The following CPED1 variants were observed in gnomAD, a reference collection of about 807,000 sequenced individuals.
The protein encoded by CPED1 is cadherin-like and PC-esterase domain-containing protein 1.
CPED1 carries 114 observed loss-of-function variants against 128.2 expected under a neutral mutation model. The ratio of observed to expected loss-of-function variants is 0.89; its 90% confidence interval spans 0.76 to 1.04. The LOEUF is 1.04. Among genes scored for constraint, CPED1 ranks in the 50% least tolerant of loss-of-function variants. CPED1 has a pLI of 0.00. For synonymous variants in CPED1, 462 were observed against 426.7 expected, an observed-to-expected ratio of 1.08 and a Z score of -1.02; for missense variants, 1,211 against 1,207.1, an observed-to-expected ratio of 1.00 and a Z score of -0.05.
At chr7:121,286,867 G>T (rs1354115577) in intron 22 of CPED1, among the ~76,000 whole-genome samples, 4 of 152,164 alleles carry the variant, frequency 2.6e-5, no homozygotes, top group African/African-American at 7.2e-5. Context: ...AAGGAAATAG[G>T]TTTAATTGAC....
At chr7:121,197,621 T>C (rs1433493701) in intron 16 of CPED1, among the ~76,000 whole-genome samples, 1 of 152,040 alleles carries the variant, frequency 6.6e-6, no homozygotes, top group African/African-American at 2.4e-5. Context: ...CGAGTGTGTG[T>C]ATATGGGTGT....
rs1336363981 is a variant in CPED1 at position 121,005,675 on chromosome 7, A to C, written c.250-9990A>C. Among the ~76,000 whole-genome samples the C allele has an allele frequency of 2.0e-5, 3 of 152,268 alleles. No individual in the cohort carries two copies. The East Asian group carries it at 5.8e-4, about 29-fold the overall frequency. On this transcript the variant is annotated intron_variant, in intron 2 of 22. Transcript: ENST00000310396. Reference sequence around the variant, plus strand: ...AAAAAATTTAGAAACGAACAAACAAAAAAAGCTGTTATTCCCCATTTAAAA... The same window carrying C: ...AAAAAATTTAGAAACGAACAAACAACAAAAGCTGTTATTCCCCATTTAAAA...
In CPED1 at chr7:121,267,317, T is replaced by C. The variant is rs1196802151; in HGVS notation, c.2721+15T>C. On this transcript the variant is annotated intron_variant, in intron 21 of 22. Transcript: ENST00000310396. ...TCTTAACACAGGTAAGCACATTTCCTCTGGGCTAGGTGAATTTCATGATTC... is the reference window on the plus strand; with the variant it reads ...TCTTAACACAGGTAAGCACATTTCCCCTGGGCTAGGTGAATTTCATGATTC... 4 of 1,477,202 alleles carry C rather than the reference T, an allele frequency of 2.7e-6. No homozygotes were observed. Among genetic ancestry groups the C allele is most frequent in the Non-Finnish European group, 3.7e-6 (4 of 1,074,020 alleles). The allele number at this position is 1,477,202 out of a possible 1,614,324, so 91.5% of individuals were successfully genotyped here.
Position 121,288,851 on chromosome 7 carries a change from C to T in CPED1, c.2869-6589C>T, listed in dbSNP as rs138243004. ...AATTAACCTTATTTTGGCTTCAGAA[C>T]ACTAGAATAATATTATTTCAAGGTC... On this transcript the variant is annotated intron_variant, in intron 22 of 22. Transcript: ENST00000310396. Among the ~76,000 whole-genome samples the T allele has an allele frequency of 3.5e-3, 533 of 152,232 alleles. 7 individuals carry two copies. The highest frequency in any genetic ancestry group is 0.027 in the Admixed American group (413 of 15,290).
At chr7:121,041,493 A>C (rs2116888655) in intron 3 of CPED1, among the ~76,000 whole-genome samples, 1 of 152,262 alleles carries the variant, frequency 6.6e-6, no homozygotes, top group Non-Finnish European at 1.5e-5. Context: ...AGAAAATTAA[A>C]GTTGTCCTTC....
intron 11 of CPED1, among the ~76,000 whole-genome samples, chr7:121,129,277 G>GTATATA: frequency 9.0e-6 from 1 of 111,344 alleles, no homozygotes; most frequent in African/African-American, 3.5e-5. Context: ...ATATGTGTGT[G>GTATATA]TGTATATATG....
At chr7:121,231,660 T>C (rs529599492) in intron 16 of CPED1, among the ~76,000 whole-genome samples, 1 of 152,134 alleles carries the variant, frequency 6.6e-6, no homozygotes, top group African/African-American at 2.4e-5. Context: ...AGTTGCTGTG[T>C]ACCATAAGTA....
intron 16 of CPED1, among the ~76,000 whole-genome samples, chr7:121,211,946 T>C (rs1797654564): frequency 6.6e-6 from 1 of 152,034 alleles, no homozygotes; most frequent in African/African-American, 2.4e-5. Flanking sequence ...ATGACACTCT[T>C]ATATCTTGAC....
At chr7:121,166,163 C>G (rs1055623798) in intron 16 of CPED1, among the ~76,000 whole-genome samples, 2 of 151,998 alleles carry the variant, frequency 1.3e-5, no homozygotes, top group African/African-American at 2.4e-5. Flanking sequence ...ACCAGAAGAC[C>G]ACATTTTGTA....
intron 3 of CPED1, among the ~76,000 whole-genome samples, chr7:121,043,428 G>A (rs1333462447): frequency 6.6e-6 from 1 of 151,870 alleles, no homozygotes; most frequent in Non-Finnish European, 1.5e-5. Flanking sequence ...GAGATCAAAG[G>A]GTATATTCAA....
intron 4 of CPED1, among the ~76,000 whole-genome samples, chr7:121,050,639 A>G (rs1010882445): frequency 6.6e-6 from 1 of 151,864 alleles, no homozygotes; most frequent in African/African-American, 2.4e-5. Context: ...AATTTTTTGT[A>G]TTTTTAGTAG....
At chr7:121,196,319 C>T (rs1354969231) in intron 16 of CPED1, among the ~76,000 whole-genome samples, 1 of 152,032 alleles carries the variant, frequency 6.6e-6, no homozygotes, top group Non-Finnish European at 1.5e-5. Context: ...GAGAAAGCTA[C>T]CTGCAGGCTG....
intron 16 of CPED1, among the ~76,000 whole-genome samples, chr7:121,223,476 T>G (rs1418291252): frequency 6.6e-6 from 1 of 152,220 alleles, no homozygotes; most frequent in Non-Finnish European, 1.5e-5. Flanking sequence ...CCTCATAAAA[T>G]GAGTTAGGGA....
At position 121,124,448 on chromosome 7, in the gene CPED1, A is replaced by C; in HGVS notation, c.1036A>C (p.Thr346Pro). Residue 346 changes from threonine to proline, a missense_variant, in exon 8 of 23, where the codon ACT becomes CCT. By Grantham distance (38) the Thr-to-Pro change is conservative. Transcript: ENST00000310396. ...GGCTGAAGTATTCAGTGAAACATCT[A>C]CTCTGGGACCAAAGACCTTCCATAG... is the stretch of plus-strand genomic sequence containing the variant. ...LAAEVFSETS[T>P]LGPKTFHRCR... The C allele has an allele frequency of 6.4e-7, 1 of 1,568,808 alleles. No homozygotes were observed. The highest frequency in any genetic ancestry group is 8.6e-7 in the Non-Finnish European group (1 of 1,156,956).
At chr7:121,073,623 G>A (rs1794047411) in intron 5 of CPED1, among the ~76,000 whole-genome samples, 1 of 152,156 alleles carries the variant, frequency 6.6e-6, no homozygotes, top group African/African-American at 2.4e-5. Context: ...GTTGTCTAAT[G>A]TCAACTTGTT....
chr7:121,150,025 A>G (rs901692112), intron 16 of CPED1, among the ~76,000 whole-genome samples: 3 of 152,088 alleles, frequency 2.0e-5, no homozygotes, highest in African/African-American at 7.2e-5. Flanking sequence ...GAAAGAAGAG[A>G]TCTTAGATAC....
In CPED1 at chr7:121,070,700, C is replaced by T. The variant is rs148560125; in HGVS notation, c.616+6387C>T. Among the ~76,000 whole-genome samples, 594 of 152,224 alleles carry T rather than the reference C, an allele frequency of 3.9e-3. 3 individuals are homozygous for T. Among genetic ancestry groups the T allele is most frequent in the Middle Eastern group, 0.024 (7 of 294 alleles). ...GTAAGCCATCCATCCCCAAAACTTA[C>T]CGAATTCATCCACTTTTCTCCATCT... is the stretch of plus-strand genomic sequence containing the variant. On this transcript the variant is annotated intron_variant, in intron 5 of 22. Coordinates refer to ENST00000310396, the MANE Select transcript of CPED1 (RefSeq NM_024913.5).
chr7:121,219,743 G>A (rs913575476), intron 16 of CPED1, among the ~76,000 whole-genome samples: 1 of 151,972 alleles, frequency 6.6e-6, no homozygotes, highest in Non-Finnish European at 1.5e-5. Context: ...AACATAAACA[G>A]CAAGGGAAGC....
chr7:121,208,710 A>G (rs1797575745), intron 16 of CPED1, among the ~76,000 whole-genome samples: 1 of 152,032 alleles, frequency 6.6e-6, no homozygotes, highest in Non-Finnish European at 1.5e-5. Context: ...CCCTTGTCAC[A>G]ATGACTCTGG....
Sources: gnomAD v4.1 joint callset for allele counts (sites outside exome capture counted in the v4.1 genomes callset) on GRCh38, gnomAD v4.1.1 for gene constraint, MANE v1.5 for transcripts, NCBI Gene and HGNC (gene_info 2026-07-23, HGNC 2026-07-21) for gene names.